The following ALK variants were observed in gnomAD, a reference collection of about 807,000 sequenced individuals.
ALK encodes the protein ALK receptor tyrosine kinase.
Under a neutral mutation model 163.1 loss-of-function variants are expected in ALK, and 74 were observed. The ratio of observed to expected loss-of-function variants is 0.45; its 90% CI spans 0.38 to 0.55. The LOEUF (loss-of-function observed/expected upper bound fraction) is 0.55. ALK is among the 20% of genes least tolerant of loss of function. The pLI is 0.00. For synonymous variants in ALK, 960 were observed against 843.2 expected, an observed-to-expected ratio of 1.14 and a Z score of -2.40; for missense variants, 2,063 against 2,105.3, an observed-to-expected ratio of 0.98 and a Z score of 0.39.
At chr2:29,656,838 T>C (rs1181001511) in intron 3 of ALK, among the ~76,000 whole-genome samples, 2 of 152,118 alleles carry the variant, frequency 1.3e-5, no homozygotes, top group East Asian at 3.9e-4. Flanking sequence ...TTATCCTTGC[T>C]CCTCATTCTC....
chr2:29,532,154 T>C, intron 3 of ALK, 38 bp from the exon 4 acceptor site: 1 of 1,595,988 alleles, frequency 6.3e-7, no homozygotes, highest in Non-Finnish European at 8.6e-7. Context: ...GCAGATGTGT[T>C]CAGGTAAGAC....
At chr2:29,614,799 T>C (rs2148224177) in intron 3 of ALK, among the ~76,000 whole-genome samples, 1 of 152,252 alleles carries the variant, frequency 6.6e-6, no homozygotes, top group South Asian at 2.1e-4. Context: ...TTCTTCTTAG[T>C]AATTTTCTAT....
intron 4 of ALK, among the ~76,000 whole-genome samples, chr2:29,508,421 T>C (rs1279774658): frequency 6.6e-6 from 1 of 152,010 alleles, no homozygotes; most frequent in Non-Finnish European, 1.5e-5. Flanking sequence ...CTGGAAACCA[T>C]CATTCTCAGC....
chr2:29,308,825 C>T (rs774984262), intron 8 of ALK, among the ~76,000 whole-genome samples: 2 of 151,692 alleles, frequency 1.3e-5, no homozygotes, highest in Non-Finnish European at 2.9e-5. Context: ...GCAGGGGACA[C>T]TTTGTTAGAG....
chr2:29,193,213 T>G lies in ALK; in HGVS notation c.*11A>C, dbSNP rs2148136830. On this transcript the variant is annotated 3_prime_UTR_variant, in exon 29 of 29. Transcript: ENST00000389048. Reference sequence around the variant, plus strand: ...GGATCCCAAGGAAGAGAAGTGAGTGTGCGACCGAGCTCAGGGCCCAGGCTG... The same window carrying G: ...GGATCCCAAGGAAGAGAAGTGAGTGGGCGACCGAGCTCAGGGCCCAGGCTG... 4 of 1,613,358 alleles carry G rather than the reference T, an allele frequency of 2.5e-6. No homozygotes were observed. The highest frequency in any genetic ancestry group is 3.4e-6 in the Non-Finnish European group (4 of 1,179,714).
At chr2:29,812,522 A>G (rs1264522944) in intron 1 of ALK, among the ~76,000 whole-genome samples, 1 of 152,140 alleles carries the variant, frequency 6.6e-6, no homozygotes, top group Non-Finnish European at 1.5e-5. Flanking sequence ...CACTCACCCT[A>G]AGAATTTACA....
chr2:29,597,977 T>A (rs1361390779), intron 3 of ALK, among the ~76,000 whole-genome samples: 1 of 152,210 alleles, frequency 6.6e-6, no homozygotes, highest in Admixed American at 6.5e-5. Flanking sequence ...ATTTGGGTTT[T>A]GTCACCTGCT....
At chr2:29,900,966 TAAGA>T (rs1286408060) in intron 1 of ALK, among the ~76,000 whole-genome samples, 4 of 147,790 alleles carry the variant, frequency 2.7e-5, no homozygotes, top group Non-Finnish European at 6.0e-5. Flanking sequence ...CTGAATGTCT[TAAGA>T]AAGAAAGAAA....
chr2:29,637,958 C>T lies in ALK; in HGVS notation c.952+56892G>A, dbSNP rs191901371. Among the ~76,000 whole-genome samples, 20 of 151,470 alleles carry T rather than the reference C, an allele frequency of 1.3e-4. No individual in the cohort carries two copies. The East Asian group carries it at 3.7e-3, about 28-fold the overall frequency. On this transcript the variant is annotated intron_variant, in intron 3 of 28. Coordinates refer to ENST00000389048, the MANE Select transcript of ALK (RefSeq NM_004304.5). ...TAAAACTCAAGCTGGTAATTAAACC[C>T]GATACAGAATTTTGAAATAAACTTG... is the stretch of plus-strand genomic sequence containing the variant.
chr2:29,323,970 A>T (rs905923469), intron 6 of ALK, among the ~76,000 whole-genome samples: 1 of 152,208 alleles, frequency 6.6e-6, no homozygotes, highest in African/African-American at 2.4e-5. Flanking sequence ...TCACCTATGA[A>T]TCTGTAAAAT....
rs951620489 is a variant in ALK at position 29,713,840 on chromosome 2, G to GT, written c.787+3737dup. Among the ~76,000 whole-genome samples the GT allele has an allele frequency of 9.9e-3, 1,445 of 146,028 alleles. 22 individuals are homozygous for GT. Among genetic ancestry groups the GT allele is most frequent in the African/African-American group, 0.028 (1,134 of 40,424 alleles). On this transcript the variant is annotated intron_variant, in intron 2 of 28. Transcript: ENST00000389048. Reference sequence around the variant, plus strand: ...GAAAAAGAGTTTTGCAATGTATCATGTTTTTTTTTTTTAAATAAATGAAAA... The same window carrying GT: ...GAAAAAGAGTTTTGCAATGTATCATGTTTTTTTTTTTTTAAATAAATGAAAA...
At chr2:29,527,735 G>A (rs995913259) in intron 4 of ALK, among the ~76,000 whole-genome samples, 6 of 152,066 alleles carry the variant, frequency 3.9e-5, no homozygotes, top group Admixed American at 6.6e-5. Context: ...GGCTGGTCTT[G>A]AACTCCTGGC....
intron 1 of ALK, among the ~76,000 whole-genome samples, chr2:29,834,413 G>A (rs1432560553): frequency 6.6e-6 from 1 of 152,168 alleles, no homozygotes; most frequent in South Asian, 2.1e-4. Flanking sequence ...TGGTATATGA[G>A]TTGACAGAGC....
At chr2:29,867,788 A>G (rs1460907778) in intron 1 of ALK, among the ~76,000 whole-genome samples, 1 of 152,112 alleles carries the variant, frequency 6.6e-6, no homozygotes, top group Non-Finnish European at 1.5e-5. Flanking sequence ...CTCATCTGCA[A>G]ATGGGATCCC....
At chr2:29,378,895 TA>T (rs1037508580) in intron 5 of ALK, among the ~76,000 whole-genome samples, 3 of 152,000 alleles carry the variant, frequency 2.0e-5, no homozygotes, top group African/African-American at 7.2e-5. Flanking sequence ...GTATTTTCAG[TA>T]AAGATGGGGT....
At chr2:29,631,300 T>C (rs181693412) in intron 3 of ALK, among the ~76,000 whole-genome samples, 10 of 152,332 alleles carry the variant, frequency 6.6e-5, no homozygotes, top group Non-Finnish European at 1.5e-4. Flanking sequence ...TGAAAGGAAA[T>C]CCAGATTTTA....
At chr2:29,308,908 T>G (rs1005167799) in intron 8 of ALK, among the ~76,000 whole-genome samples, 3 of 152,004 alleles carry the variant, frequency 2.0e-5, no homozygotes, top group South Asian at 2.1e-4. Flanking sequence ...GGTTTTTTTT[T>G]TTGTTGCTGT....
intron 1 of ALK, among the ~76,000 whole-genome samples, chr2:29,780,762 G>A (rs866741208): frequency 2.0e-5 from 3 of 152,200 alleles, no homozygotes; most frequent in African/African-American, 7.2e-5. Context: ...TGATACTGGC[G>A]AGAGTGTCTC....
chr2:29,416,979 C>CTTT lies in ALK; in HGVS notation c.1155-33123_1155-33121dup, dbSNP rs751862066. Among the ~76,000 whole-genome samples, 13 of 77,664 alleles carry CTTT rather than the reference C, an allele frequency of 1.7e-4. 2 individuals carry two copies. Among genetic ancestry groups the CTTT allele is most frequent in the African/African-American group, 4.4e-4 (8 of 18,128 alleles). 51.0% of individuals were successfully genotyped at this position (77,664 alleles called of 152,430 possible). ...ACTTTTGTTTTATAGATGTTTGATG[C>CTTT]TTTTTTTTTTTTTTTTTTTTTTTTT... On this transcript the variant is annotated intron_variant, in intron 4 of 28. Coordinates refer to ENST00000389048, the MANE Select transcript of ALK (RefSeq NM_004304.5).
Sources: allele counts gnomAD v4.1 joint callset (sites outside exome capture counted in the v4.1 genomes callset), GRCh38; gene constraint gnomAD v4.1.1; transcripts MANE v1.5; gene names NCBI Gene and HGNC (gene_info 2026-07-23, HGNC 2026-07-21).